The following RMDN2 variants were observed in gnomAD, a reference collection of about 807,000 sequenced individuals.
The protein encoded by RMDN2 is regulator of microtubule dynamics 2.
In RMDN2, 61 loss-of-function variants were observed where a neutral mutation model predicts 52.8. That is an observed-to-expected ratio of 1.16 (90% CI 0.94 to 1.43). The LOEUF (loss-of-function observed/expected upper bound fraction) is 1.43. Ranked by LOEUF, RMDN2 falls within the 40% of genes most tolerant of loss-of-function variation. The probability of loss-of-function intolerance (pLI) is 0.00; values close to 1 mark genes in which losing one functional copy is unlikely to be tolerated. For synonymous variants in RMDN2, 180 were observed against 153.1 expected (o/e 1.18, Z -1.30); for missense variants, 592 against 475.3 (o/e 1.25, Z -2.28).
At chr2:37,936,733 T>A (rs1006050416) in intron 2 of RMDN2, among the ~76,000 whole-genome samples, 2 of 152,254 alleles carry the variant, frequency 1.3e-5, no homozygotes, top group Admixed American at 6.5e-5. Context: ...CACTTTTTGA[T>A]GGGGTTGTTT....
At chr2:38,005,204 T>C (rs1185772111) in intron 10 of RMDN2, among the ~76,000 whole-genome samples, 2 of 152,264 alleles carry the variant, frequency 1.3e-5, no homozygotes, top group African/African-American at 2.4e-5. Context: ...AATCTTTGGC[T>C]ATATACCCAG....
chr2:37,957,097 A>C (rs1353949563), intron 2 of RMDN2, among the ~76,000 whole-genome samples: 1 of 152,168 alleles, frequency 6.6e-6, no homozygotes, highest in East Asian at 1.9e-4. Context: ...GCTGTTGTGA[A>C]TAGTGCTGTA....
At chr2:37,990,750 T>C (rs1674680397) in intron 6 of RMDN2, among the ~76,000 whole-genome samples, 2 of 152,074 alleles carry the variant, frequency 1.3e-5, no homozygotes, top group Non-Finnish European at 2.9e-5. Context: ...TCAACGTCAA[T>C]AATTACAGAG....
chr2:37,973,012 TG>T (rs1243729810), intron 2 of RMDN2, among the ~76,000 whole-genome samples: 1 of 152,232 alleles, frequency 6.6e-6, no homozygotes, highest in Non-Finnish European at 1.5e-5. Context: ...AGCTGCAAGT[TG>T]TGAAGCTGAT....
At chr2:38,066,984 G>A in exon 11 of RMDN2, 2 of 1,613,850 alleles carry the variant, frequency 1.2e-6, no homozygotes, top group Non-Finnish European at 8.5e-7. Flanking sequence ...ATTAATAGGA[G>A]CTGTAGTCTG....
intron 10 of RMDN2, among the ~76,000 whole-genome samples, chr2:38,038,244 A>T (rs893029665): frequency 2.6e-5 from 4 of 152,034 alleles, no homozygotes; most frequent in African/African-American, 9.7e-5. Context: ...TCCTGGAGGG[A>T]GCGCAGCGCC....
chr2:37,921,449 T>G (rs1463284144), upstream of RMDN2, among the ~76,000 whole-genome samples: 1 of 152,232 alleles, frequency 6.6e-6, no homozygotes, highest in Non-Finnish European at 1.5e-5. Context: ...AACCTGAATA[T>G]CATAAACACA....
intron 8 of RMDN2, chr2:38,002,797 G>C (rs1676495800): frequency 6.6e-6 from 1 of 152,210 alleles, no homozygotes; most frequent in Admixed American, 6.5e-5. Flanking sequence ...TGTCTGAATT[G>C]TTCATATCTT....
At chr2:37,925,172 T>C (rs1666163551), upstream of RMDN2, 2 of 151,920 alleles carry the variant, frequency 1.3e-5, no homozygotes, top group African/African-American at 2.4e-5. Flanking sequence ...GCAATTTTAT[T>C]TTGCAAAAGG....
At position 37,929,499 on chromosome 2, in the gene RMDN2, G is replaced by A; in HGVS notation, c.222G>A (p.Gln74=). The change falls in exon 2 of 11, where the codon CAG becomes CAA. Residue 74 remains glutamine, a synonymous_variant. Coordinates refer to ENST00000354545, the MANE Select transcript of RMDN2 (RefSeq NM_001170791.3). ...TAATCTTTCAAGAAAGGCAACTTCA[G>A]ATACTGGAGAAGTTAAACGAATTAC... ...TTVIFQERQL[Q]ILEKLNELLT... 2 of 1,551,224 alleles carry A rather than the reference G, an allele frequency of 1.3e-6. No individual in the cohort carries two copies. The highest frequency in any genetic ancestry group is 1.7e-6 in the Non-Finnish European group (2 of 1,146,438).
intron 5 of RMDN2, among the ~76,000 whole-genome samples, chr2:37,985,506 A>G (rs996755274): frequency 3.3e-5 from 5 of 152,174 alleles, no homozygotes; most frequent in Non-Finnish European, 7.3e-5. Flanking sequence ...AATGTGGTCA[A>G]GCTTTGAGTC....
chr2:37,973,922 G>A (rs999185426), intron 2 of RMDN2, 118 bp from the exon 3 acceptor site: 119 of 749,362 alleles, frequency 1.6e-4, no homozygotes, highest in East Asian at 3.7e-4. Flanking sequence ...GTGAAAGCAC[G>A]TGCCACTGCA....
At chr2:38,040,496 C>T (rs1680887106) in intron 10 of RMDN2, among the ~76,000 whole-genome samples, 1 of 152,174 alleles carries the variant, frequency 6.6e-6, no homozygotes, top group Non-Finnish European at 1.5e-5. Context: ...ATTTATGAAG[C>T]AGAGCAAGTC....
At chr2:38,043,039 A>G (rs966109329) in intron 10 of RMDN2, among the ~76,000 whole-genome samples, 1 of 152,180 alleles carries the variant, frequency 6.6e-6, no homozygotes, top group African/African-American at 2.4e-5. Context: ...AAAGTTAGCT[A>G]TATCCTCACT....
chr2:38,044,788 C>A (rs1424768246), intron 10 of RMDN2, among the ~76,000 whole-genome samples: 1 of 152,062 alleles, frequency 6.6e-6, no homozygotes, highest in Non-Finnish European at 1.5e-5. Context: ...CCCACCTATT[C>A]TTGCATGTTG....
intron 2 of RMDN2, among the ~76,000 whole-genome samples, chr2:37,931,543 A>G (rs750764682): frequency 1.3e-5 from 2 of 152,240 alleles, no homozygotes; most frequent in Admixed American, 6.5e-5. Context: ...AGGAGTATAG[A>G]CCAAAAGGGT....
At chr2:38,003,936 T>C in intron 8 of RMDN2, 55 bp from the exon 9 acceptor site, 2 of 1,255,364 alleles carry the variant, frequency 1.6e-6, no homozygotes, top group Non-Finnish European at 2.3e-6. Flanking sequence ...TCACTTGTGG[T>C]TACTGTTATT....
intron 7 of RMDN2, among the ~76,000 whole-genome samples, chr2:37,991,997 C>T (rs564077250): frequency 6.6e-6 from 1 of 152,302 alleles, no homozygotes; most frequent in South Asian, 2.1e-4. Flanking sequence ...GAGATAACTT[C>T]TTCATTGCAG....
At chr2:38,012,707 T>C (rs1343759437) in intron 10 of RMDN2, 1 of 412,042 alleles carries the variant, frequency 2.4e-6, no homozygotes, top group Non-Finnish European at 4.9e-6. Context: ...AAGTGAGTTA[T>C]ATGTAATACC....
Sources: allele counts gnomAD v4.1 joint callset (sites outside exome capture counted in the v4.1 genomes callset), GRCh38; gene constraint gnomAD v4.1.1; transcripts MANE v1.5; gene names NCBI Gene and HGNC (gene_info 2026-07-23, HGNC 2026-07-21).